Variants in STRN3 observed in about 807,000 individuals in gnomAD.
STRN3 encodes the protein striatin 3.
Under a neutral mutation model 95.6 loss-of-function variants are expected in STRN3, and 29 were observed. The observed-to-expected ratio is 0.30, with a 90% CI of 0.23 to 0.41. The LOEUF (loss-of-function observed/expected upper bound fraction) is 0.41. Ranked by LOEUF, STRN3 falls within the 10% of genes least tolerant of loss-of-function variation. STRN3 has a pLI of 1.00. For missense variants in STRN3, 890 were observed against 972.1 expected (o/e 0.92, Z 1.12); for synonymous variants, 331 against 357.6 (o/e 0.93, Z 0.84).
chr14:31,026,285 C>A lies in STRN3; in HGVS notation c.-100G>T, dbSNP rs924589225. The A allele has an allele frequency of 7.2e-6, 9 of 1,257,992 alleles. No homozygotes were observed. In the African/African-American group the frequency reaches 1.3e-4, roughly 18 times the overall value. 77.9% of individuals were successfully genotyped at this position (1,257,992 alleles called of 1,614,324 possible). A position where few individuals can be genotyped will look rare whatever the true frequency, so the allele number is the denominator to read the frequency against. On this transcript the variant is annotated 5_prime_UTR_variant, in exon 1 of 18. Coordinates refer to ENST00000357479, the MANE Select transcript of STRN3 (RefSeq NM_001083893.2). ...CGCTGGCTGCGGGGCGGAGGCCGGCCGGGAGAGGGGCGGGGAAGGGGTCGT... is the reference window on the plus strand; with the variant it reads ...CGCTGGCTGCGGGGCGGAGGCCGGCAGGGAGAGGGGCGGGGAAGGGGTCGT...
intron 1 of STRN3, among the ~76,000 whole-genome samples, chr14:30,985,512 G>A (rs1306821573): frequency 1.3e-5 from 2 of 151,904 alleles, no homozygotes; most frequent in Non-Finnish European, 2.9e-5. Flanking sequence ...GCTGAGGCAG[G>A]AGAACCACTT....
intron 10 of STRN3, 184 bp from the exon 11 acceptor site, chr14:30,912,366 A>G (rs1594425794): frequency 2.1e-6 from 1 of 475,270 alleles, no homozygotes. Context: ...ATAATAACTC[A>G]GAATAATTTC....
At chr14:30,991,356 G>T (rs539759352) in intron 1 of STRN3, among the ~76,000 whole-genome samples, 85 of 152,096 alleles carry the variant, frequency 5.6e-4, no homozygotes, top group Admixed American at 1.3e-3. Context: ...TCATTCTGGG[G>T]TACAATCATA....
At chr14:30,908,965 A>G (rs1207480161) in intron 13 of STRN3, among the ~76,000 whole-genome samples, 1 of 152,222 alleles carries the variant, frequency 6.6e-6, no homozygotes, top group South Asian at 2.1e-4. Flanking sequence ...TAACATGCCT[A>G]AAATCTGAAC....
At chr14:30,956,659 A>G (rs778850553) in intron 1 of STRN3, among the ~76,000 whole-genome samples, 2 of 152,210 alleles carry the variant, frequency 1.3e-5, no homozygotes, top group African/African-American at 2.4e-5. Context: ...TAAATTAGCT[A>G]GTTTATAATC....
intron 8 of STRN3, 36 bp from the exon 9 acceptor site, chr14:30,919,142 T>C: frequency 1.3e-6 from 2 of 1,550,218 alleles, no homozygotes; most frequent in East Asian, 4.7e-5. Context: ...GTTCATTTAA[T>C]GGCTACCGCT....
At chr14:31,012,894 C>CAA (rs58755942) in intron 1 of STRN3, among the ~76,000 whole-genome samples, 3 of 79,136 alleles carry the variant, frequency 3.8e-5, no homozygotes, top group Admixed American at 2.8e-4. Context: ...AACTCCGTCT[C>CAA]AAAAAAAAAA....
intron 5 of STRN3, among the ~76,000 whole-genome samples, chr14:30,939,018 T>C (rs1256256395): frequency 6.6e-6 from 1 of 152,166 alleles, no homozygotes; most frequent in African/African-American, 2.4e-5. Flanking sequence ...ACAAGAATTC[T>C]CCTCAGGAGC....
chr14:30,947,652 C>A (rs571902363), intron 4 of STRN3, among the ~76,000 whole-genome samples: 1 of 151,980 alleles, frequency 6.6e-6, no homozygotes, highest in South Asian at 2.1e-4. Context: ...TTCCAAGGAG[C>A]AGTAAAGAAT....
intron 16 of STRN3, among the ~76,000 whole-genome samples, chr14:30,900,359 C>CAAA: frequency 1.9e-5 from 1 of 53,906 alleles, no homozygotes; most frequent in East Asian, 6.2e-4. Context: ...AACTCCATCT[C>CAAA]AAAAAAAAAA....
At chr14:30,967,318 C>T (rs1880574712) in intron 1 of STRN3, among the ~76,000 whole-genome samples, 1 of 150,200 alleles carries the variant, frequency 6.7e-6, no homozygotes, top group Non-Finnish European at 1.5e-5. Flanking sequence ...GGGAAAGAGG[C>T]AGAGAGACAG....
chr14:30,922,975 A>G (rs974651880), intron 8 of STRN3, among the ~76,000 whole-genome samples: 1 of 152,230 alleles, frequency 6.6e-6, no homozygotes, highest in Non-Finnish European at 1.5e-5. Flanking sequence ...GAATGAAATT[A>G]AAGCCAGTAA....
At chr14:30,919,239 A>T in intron 8 of STRN3, 133 bp from the exon 9 acceptor site, 1 of 970,954 alleles carries the variant, frequency 1.0e-6, no homozygotes, top group Non-Finnish European at 1.5e-6. Flanking sequence ...AAAATTAAAG[A>T]TGTCTTCCAT....
At chr14:30,909,887 C>T (rs1261399986) in intron 13 of STRN3, among the ~76,000 whole-genome samples, 1 of 152,190 alleles carries the variant, frequency 6.6e-6, no homozygotes, top group Non-Finnish European at 1.5e-5. Flanking sequence ...ATCTACTCAA[C>T]ATAATTTATC....
intron 1 of STRN3, among the ~76,000 whole-genome samples, chr14:30,978,859 C>A (rs7158412): frequency 6.6e-6 from 1 of 151,688 alleles, no homozygotes; most frequent in Admixed American, 6.6e-5. Context: ...ATGGTGAAAC[C>A]CTGTCTCTAC....
chr14:30,977,444 G>T (rs1881160628), intron 1 of STRN3, among the ~76,000 whole-genome samples: 1 of 151,854 alleles, frequency 6.6e-6, no homozygotes, highest in South Asian at 2.1e-4. Flanking sequence ...AAGGGGGAAA[G>T]ATGGAGAAAG....
intron 8 of STRN3, 43 bp from the exon 9 acceptor site, chr14:30,919,149 C>T (rs1368034073): frequency 1.3e-5 from 20 of 1,521,374 alleles, no homozygotes; most frequent in East Asian, 4.8e-5. Flanking sequence ...TAATGGCTAC[C>T]GCTTGACTTT....
intron 1 of STRN3, among the ~76,000 whole-genome samples, chr14:30,960,432 C>T (rs1880134741): frequency 6.6e-6 from 1 of 151,988 alleles, no homozygotes; most frequent in Non-Finnish European, 1.5e-5. Flanking sequence ...GAAAATGAAC[C>T]AAAGAAACAG....
In STRN3 at chr14:30,894,582, C is replaced by T. The variant is rs1896077108; in HGVS notation, c.*829G>A. 6.5e-6 allele frequency: 1 copy of T among 153,122 alleles called. No individual in the cohort carries two copies. The highest frequency in any genetic ancestry group is 2.1e-4 in the South Asian group (1 of 4,864). 9.5% of individuals were successfully genotyped at this position (153,122 alleles called of 1,614,324 possible). On this transcript the variant is annotated 3_prime_UTR_variant, in exon 18 of 18. Coordinates refer to ENST00000357479, the MANE Select transcript of STRN3 (RefSeq NM_001083893.2). Reference sequence around the variant, plus strand: ...AGTTCATTTGGAGTACTAAACCCCACTGTTTCATTTTAATACACTTAATAG... The same window carrying T: ...AGTTCATTTGGAGTACTAAACCCCATTGTTTCATTTTAATACACTTAATAG...
Sources: gnomAD v4.1 joint callset for allele counts (sites outside exome capture counted in the v4.1 genomes callset) on GRCh38, gnomAD v4.1.1 for gene constraint, MANE v1.5 for transcripts, NCBI Gene and HGNC (gene_info 2026-07-23, HGNC 2026-07-21) for gene names.